The following ETV6 variants were observed in gnomAD, a reference collection of about 807,000 sequenced individuals.
The protein encoded by ETV6 is ETS variant transcription factor 6, also known as transcription factor ETV6.
A neutral mutation model predicts 51.1 loss-of-function variants in ETV6; 16 were observed. The observed-to-expected ratio is 0.31, with a 90% confidence interval of 0.21 to 0.48. The LOEUF is 0.48. ETV6 is among the 20% of genes least tolerant of loss of function. The probability of loss-of-function intolerance (pLI) is 0.99; values close to 1 mark genes in which losing one functional copy is unlikely to be tolerated. For synonymous variants in ETV6, 240 were observed against 224.1 expected, an observed-to-expected ratio of 1.07 and a Z score of -0.64; for missense variants, 458 against 594.8, an observed-to-expected ratio of 0.77 and a Z score of 2.39.
At chr12:11,853,388 C>A (rs749866433) in intron 3 of ETV6, 39 bp from the exon 4 acceptor site, 3 of 1,612,568 alleles carry the variant, frequency 1.9e-6, no homozygotes, top group Middle Eastern at 1.7e-4. Context: ...GGAAAAACAT[C>A]TTTCCATTTC....
At chr12:11,866,043 A>C (rs2136528955) in intron 4 of ETV6, among the ~76,000 whole-genome samples, 1 of 152,200 alleles carries the variant, frequency 6.6e-6, no homozygotes, top group East Asian at 1.9e-4. Flanking sequence ...TCCACAGGTC[A>C]CTGAGGATTT....
intron 4 of ETV6, among the ~76,000 whole-genome samples, chr12:11,864,837 A>G (rs528459460): frequency 2.9e-4 from 44 of 152,260 alleles, no homozygotes; most frequent in South Asian, 1.0e-3. Context: ...CCATGTACCC[A>G]TCACCAGTTT....
At chr12:11,810,993 C>T (rs1945904691) in intron 2 of ETV6, among the ~76,000 whole-genome samples, 2 of 152,052 alleles carry the variant, frequency 1.3e-5, no homozygotes, top group Admixed American at 1.3e-4. Context: ...CTCCAATGTC[C>T]AGAAAGTTCT....
intron 1 of ETV6, among the ~76,000 whole-genome samples, chr12:11,692,714 C>T (rs1864790896): frequency 6.6e-6 from 1 of 152,162 alleles, no homozygotes; most frequent in Non-Finnish European, 1.5e-5. Context: ...AGTTGGAGAA[C>T]TTGCTATCTA....
intron 5 of ETV6, among the ~76,000 whole-genome samples, chr12:11,877,204 T>C (rs1490034708): frequency 6.6e-6 from 1 of 152,200 alleles, no homozygotes; most frequent in Non-Finnish European, 1.5e-5. Context: ...CTTCAAGGAC[T>C]GGGAGAAGTC....
chr12:11,673,099 G>A (rs537742154), intron 1 of ETV6, among the ~76,000 whole-genome samples: 2 of 152,340 alleles, frequency 1.3e-5, no homozygotes, highest in East Asian at 3.9e-4. Flanking sequence ...TCAGCTGCTG[G>A]AGCTGGGTAA....
At position 11,894,058 on chromosome 12, in the gene ETV6, C is replaced by T. The variant is rs1055813940; in HGVS notation, c.*3012C>T. 21 of 227,178 alleles carry T rather than the reference C, an allele frequency of 9.2e-5. No individual in the cohort carries two copies. The Admixed American group carries it at 1.0e-3, about 11-fold the overall frequency. 14.1% of individuals were successfully genotyped at this position (227,178 alleles called of 1,614,324 possible). A position where few individuals can be genotyped will look rare whatever the true frequency, so the allele number is the denominator to read the frequency against. On this transcript the variant is annotated 3_prime_UTR_variant, in exon 8 of 8. Transcript: ENST00000396373. ...CCAGCACCTGGATACAGTATTTACA[C>T]CCTGCAGACCCTAAAGATTTCAGAT... is the stretch of plus-strand genomic sequence containing the variant.
At chr12:11,766,620 C>G (rs957870171) in intron 2 of ETV6, among the ~76,000 whole-genome samples, 2 of 152,194 alleles carry the variant, frequency 1.3e-5, no homozygotes, top group African/African-American at 4.8e-5. Flanking sequence ...TTCTTGCTCC[C>G]TTGCTTTGTG....
chr12:11,798,231 A>G (rs1945704740), intron 2 of ETV6, among the ~76,000 whole-genome samples: 1 of 152,204 alleles, frequency 6.6e-6, no homozygotes, highest in South Asian at 2.1e-4. Flanking sequence ...GAAGAGAAGC[A>G]GTTGACTTAG....
intron 2 of ETV6, among the ~76,000 whole-genome samples, chr12:11,797,488 A>C (rs1231981535): frequency 1.3e-5 from 2 of 152,246 alleles, no homozygotes; most frequent in African/African-American, 2.4e-5. Context: ...ATTCGGTCAT[A>C]GGACTTCTGT....
intron 2 of ETV6, among the ~76,000 whole-genome samples, chr12:11,777,406 A>G (rs76666266): frequency 0.039 from 5,985 of 152,112 alleles, 285 homozygotes; most frequent in South Asian, 0.15. Flanking sequence ...ATCTCTAGGT[A>G]GAAGGATTGT....
In ETV6 at chr12:11,769,787, G is replaced by A. The variant is rs574063370; in HGVS notation, c.163+17208G>A. Among the ~76,000 whole-genome samples the A allele has an allele frequency of 2.4e-4, 37 of 152,336 alleles. No homozygotes were observed. In the South Asian group the frequency reaches 7.7e-3, roughly 32 times the overall value. On this transcript the variant is annotated intron_variant, in intron 2 of 7. Transcript: ENST00000396373. The stretch of plus-strand genomic sequence containing the variant: ...AGTGCGGGAAGGTGGAAGACATTGA[G>A]GGGTTGATTATTTACTTCGTTTGGA...
intron 1 of ETV6, among the ~76,000 whole-genome samples, chr12:11,669,306 A>G (rs528732653): frequency 6.6e-5 from 10 of 150,704 alleles, no homozygotes; most frequent in Middle Eastern, 3.4e-3. Context: ...AGGAACATGG[A>G]TGGACTTCTT....
At chr12:11,828,437 G>A (rs550408518) in intron 2 of ETV6, among the ~76,000 whole-genome samples, 15 of 152,194 alleles carry the variant, frequency 9.9e-5, no homozygotes, top group African/African-American at 3.4e-4. Context: ...GGCACCCTTC[G>A]TGTCTCTCTT....
intron 2 of ETV6, among the ~76,000 whole-genome samples, chr12:11,786,538 T>C (rs2856327): frequency 0.79 from 120,029 of 152,098 alleles, 48,359 homozygotes; most frequent in South Asian, 0.96. Context: ...ACCCTCAGTT[T>C]ATGTCTAGAG....
At chr12:11,889,924 A>G (rs1947261724) in intron 7 of ETV6, among the ~76,000 whole-genome samples, 1 of 152,182 alleles carries the variant, frequency 6.6e-6, no homozygotes, top group South Asian at 2.1e-4. Flanking sequence ...GTGCTCCTAC[A>G]GTGTAGGTGG....
intron 1 of ETV6, among the ~76,000 whole-genome samples, chr12:11,742,058 T>C (rs776404634): frequency 3.9e-5 from 6 of 152,266 alleles, no homozygotes; most frequent in Non-Finnish European, 7.3e-5. Flanking sequence ...GCATATTTTC[T>C]ATGTACTGTT....
intron 6 of ETV6, among the ~76,000 whole-genome samples, chr12:11,885,613 C>T (rs929507495): frequency 1.3e-5 from 2 of 152,198 alleles, no homozygotes; most frequent in Non-Finnish European, 2.9e-5. Context: ...TCAGGCGGAG[C>T]AGAGAGCGGT....
chr12:11,766,096 G>C (rs929424464), intron 2 of ETV6, among the ~76,000 whole-genome samples: 43 of 152,278 alleles, frequency 2.8e-4, no homozygotes, highest in African/African-American at 1.0e-3. Flanking sequence ...GGTCGGTTTC[G>C]GTGGGGTCCC....
Sources: gnomAD v4.1 joint callset for allele counts (sites outside exome capture counted in the v4.1 genomes callset) on GRCh38, gnomAD v4.1.1 for gene constraint, MANE v1.5 for transcripts, NCBI Gene and HGNC (gene_info 2026-07-23, HGNC 2026-07-21) for gene names.